NPHP4: variants seen among roughly 807,000 people sequenced by gnomAD.
NPHP4 encodes nephrocystin-4.
NPHP4 carries 151 observed loss-of-function variants against 155.8 expected under a neutral mutation model. The ratio of observed to expected loss-of-function variants is 0.97; its 90% confidence interval spans 0.85 to 1.11. The LOEUF is 1.11. Ranked by LOEUF, NPHP4 falls within the 50% of genes least tolerant of loss-of-function variation. The pLI, the probability that NPHP4 is intolerant of heterozygous loss-of-function variation, is 0.00. For missense variants in NPHP4, 1,956 were observed against 1,925.7 expected (o/e 1.02, Z -0.29); for synonymous variants, 845 against 816.8 (o/e 1.03, Z -0.59).
intron 9 of NPHP4, among the ~76,000 whole-genome samples, chr1:5,938,419 A>T (rs971795724): frequency 6.6e-6 from 1 of 152,220 alleles, no homozygotes; most frequent in Non-Finnish European, 1.5e-5. Context: ...AGCCACTGCC[A>T]GCAACAGCGG....
chr1:5,974,199 G>A (rs1014943840), intron 3 of NPHP4, among the ~76,000 whole-genome samples: 4 of 152,216 alleles, frequency 2.6e-5, no homozygotes, highest in South Asian at 2.1e-4. Flanking sequence ...CTGTGATGAC[G>A]GGAAGAGACA....
chr1:5,914,082 A>G (rs1329829871), intron 11 of NPHP4, among the ~76,000 whole-genome samples: 1 of 151,788 alleles, frequency 6.6e-6, no homozygotes, highest in Admixed American at 6.6e-5. Context: ...CCCCACCAAC[A>G]ACCCTCTCTC....
Position 5,874,466 on chromosome 1 carries a change from C to A in NPHP4, c.3231+5G>T. ...GCAACTTCCCTGTGTGCCTGACACC[C>A]GCACCTGCACCATGGCCAGCTGCCC... On this transcript the variant is annotated splice_donor_5th_base_variant and intron_variant, in intron 22 of 29. Transcript: ENST00000378156. 6.6e-7 allele frequency: 1 copy of A among 1,522,550 alleles called. No individual in the cohort carries two copies. The highest frequency in any genetic ancestry group is 8.8e-7 in the Non-Finnish European group (1 of 1,132,054). The allele number at this position is 1,522,550 out of a possible 1,614,324, so 94.3% of individuals were successfully genotyped here. A position where few individuals can be genotyped will look rare whatever the true frequency, so the allele number is the denominator to read the frequency against.
At chr1:5,883,518 C>T (rs975721657) in intron 18 of NPHP4, among the ~76,000 whole-genome samples, 2 of 152,206 alleles carry the variant, frequency 1.3e-5, no homozygotes, top group Admixed American at 6.5e-5. Context: ...CAGCAGCTCA[C>T]GGGCTGGCAG....
At chr1:5,898,022 G>A (rs1013389772) in intron 16 of NPHP4, among the ~76,000 whole-genome samples, 27 of 152,326 alleles carry the variant, frequency 1.8e-4, no homozygotes, top group African/African-American at 5.8e-4. Context: ...AGGAAGAGAC[G>A]GCAAGGCTGT....
At chr1:5,959,282 G>A (rs555900078) in intron 6 of NPHP4, among the ~76,000 whole-genome samples, 6 of 152,320 alleles carry the variant, frequency 3.9e-5, no homozygotes, top group Admixed American at 3.3e-4. Context: ...GTGACGGGCC[G>A]GCTGCTCCAC....
At position 5,865,141 on chromosome 1, in the gene NPHP4, C is replaced by T. The variant is rs369566680; in HGVS notation, c.3777G>A (p.Arg1259=). The change falls in exon 27 of 30, where the codon AGG becomes AGA. Residue 1259 remains arginine, a synonymous_variant. Coordinates refer to ENST00000378156, the MANE Select transcript of NPHP4 (RefSeq NM_015102.5). ...SLVLRGTQTV[R]KVRAFTSHPQ... is the part of the protein sequence containing the mutation. ...GATGAGAGGTGAAAGCTCTCACTTT[C>T]CTCACTGTCTGTGTCCCCCGAAGGA... is the stretch of plus-strand genomic sequence containing the variant. The T allele has an allele frequency of 5.3e-4, 859 of 1,613,702 alleles. 6 individuals carry two copies. Among genetic ancestry groups the T allele is most frequent in the South Asian group, 5.1e-3 (461 of 91,078 alleles).
chr1:5,950,250 A>G (rs1214667951), intron 7 of NPHP4, among the ~76,000 whole-genome samples: 1 of 152,040 alleles, frequency 6.6e-6, no homozygotes, highest in Non-Finnish European at 1.5e-5. Flanking sequence ...TTCCCCCAAT[A>G]CCTAAGGAGC....
Position 5,905,009 on chromosome 1 carries a change from C to T in NPHP4, c.1956-205G>A, listed in dbSNP as rs114744928. The stretch of plus-strand genomic sequence containing the variant: ...GCATTCTCGAGTGTAAGGACACTCC[C>T]GGCTAGAGAAGCTGCCTTTGGAGCT... On this transcript the variant is annotated intron_variant, in intron 15 of 29. Transcript: ENST00000378156. The surrounding 1 kb of genome is among the most constrained non-coding windows in gnomAD (Gnocchi z 4.0). 1.5e-3 allele frequency among the ~76,000 whole-genome samples: 221 copies of T among 152,260 alleles called. 2 individuals carry two copies. Among genetic ancestry groups the T allele is most frequent in the African/African-American group, 5.1e-3 (211 of 41,538 alleles).
chr1:5,908,499 C>G (rs1369661705), intron 12 of NPHP4, among the ~76,000 whole-genome samples: 1 of 152,228 alleles, frequency 6.6e-6, no homozygotes, highest in Non-Finnish European at 1.5e-5. Context: ...CTGCAAATCA[C>G]ATAGCTAAGG....
chr1:5,988,609 G>A (rs937503614), intron 1 of NPHP4, among the ~76,000 whole-genome samples: 14 of 152,200 alleles, frequency 9.2e-5, no homozygotes, highest in African/African-American at 3.1e-4. Context: ...GTTCTTTGGG[G>A]TCCTCAATAA....
chr1:5,974,293 GAA>G (rs2102316195), intron 3 of NPHP4, among the ~76,000 whole-genome samples: 1 of 152,296 alleles, frequency 6.6e-6, no homozygotes, highest in Non-Finnish European at 1.5e-5. Flanking sequence ...GCTCTGGGAG[GAA>G]AGATTCCCTT....
At chr1:5,979,332 G>GGGGCGGGGCA (rs955989816) in intron 2 of NPHP4, among the ~76,000 whole-genome samples, 4 of 151,986 alleles carry the variant, frequency 2.6e-5, no homozygotes, top group East Asian at 1.9e-4. Context: ...AGAGGTGGGT[G>GGGGCGGGGCA]GGGCGGGGCA....
rs906024014 is a variant in NPHP4 at position 5,915,564 on chromosome 1, G to C, written c.1442-6351C>G. ...CAAGGGGCAACTGGATGATGAGTGA[G>C]CACAGGACTCTGTGCTGCAGGAGTC... On this transcript the variant is annotated intron_variant, in intron 11 of 29. Transcript: ENST00000378156. Among the ~76,000 whole-genome samples the C allele has an allele frequency of 3.9e-5, 6 of 152,250 alleles. 1 individual carries two copies. The highest frequency in any genetic ancestry group is 2.6e-4 in the Admixed American group (4 of 15,296).
rs3747991 is a variant in NPHP4, at chr1:5,877,208, G to C, written c.2702C>G (p.Pro901Arg). 1 of 1,606,636 alleles carries C rather than the reference G, an allele frequency of 6.2e-7. No homozygotes were observed. Among genetic ancestry groups the C allele is most frequent in the East Asian group, 2.2e-5 (1 of 44,586 alleles). ...LLTHARQGKG[P>R]QDVSRESDAT... ...ATCCGACTCGCGGCTGACGTCCTGG[G>C]GCCCCTTGCCCTGCCGGGCATGGGT... The change falls in exon 20 of 30, where the codon CCC (proline) becomes CGC (arginine). Residue 901 changes from proline (P) to arginine (R), a missense_variant. Pro to Arg is a moderately radical substitution (Grantham distance 103, BLOSUM62 -2). Coordinates refer to ENST00000378156, the MANE Select transcript of NPHP4 (RefSeq NM_015102.5).
chr1:5,887,571 G>C, intron 17 of NPHP4, 105 bp from the exon 18 acceptor site: 1 of 1,224,310 alleles, frequency 8.2e-7, no homozygotes, highest in Non-Finnish European at 1.2e-6. Flanking sequence ...AAGCCACTGT[G>C]GGCGGGAGGG....
At chr1:5,904,859 G>C (rs1218816381) in intron 15 of NPHP4, 55 bp from the exon 16 acceptor site, 25 of 1,551,478 alleles carry the variant, frequency 1.6e-5, no homozygotes, top group Non-Finnish European at 2.1e-5. Context: ...AGAACCTGAG[G>C]GGTCTAATGT....
chr1:5,899,747 C>G (rs1644578450), intron 16 of NPHP4, among the ~76,000 whole-genome samples: 1 of 152,158 alleles, frequency 6.6e-6, no homozygotes, highest in Non-Finnish European at 1.5e-5. Flanking sequence ...AGAGAAATAA[C>G]TAATGACCTG....
rs772966769 is a variant in NPHP4, at chr1:5,864,548, C to G, written c.3817-31G>C. The stretch of plus-strand genomic sequence containing the variant: ...AGAGCGAGAGAGGCGGGTCAGAGCA[C>G]AGCCTCTCAGGATGTGCAAGCAAGG... On this transcript the variant is annotated intron_variant, in intron 27 of 29. Coordinates refer to ENST00000378156, the MANE Select transcript of NPHP4 (RefSeq NM_015102.5). 55 of 1,479,482 alleles carry G rather than the reference C, an allele frequency of 3.7e-5. No homozygotes were observed. In the East Asian group the frequency reaches 1.3e-3, roughly 35 times the overall value. 91.6% of individuals were successfully genotyped at this position (1,479,482 alleles called of 1,614,324 possible).
Sources: gnomAD v4.1 joint callset for allele counts (sites outside exome capture counted in the v4.1 genomes callset) on GRCh38, gnomAD v4.1.1 for gene constraint, Gnocchi (gnomAD v3.1) non-coding constraint, MANE v1.5 for transcripts, NCBI Gene and HGNC (gene_info 2026-07-23, HGNC 2026-07-21) for gene names.